The following LMBR1 variants were observed in gnomAD, a reference collection of about 807,000 sequenced individuals.
The protein encoded by LMBR1 is limb region 1 protein homolog.
Under a neutral mutation model 73.9 loss-of-function variants are expected in LMBR1, and 52 were observed. The ratio of observed to expected loss-of-function variants is 0.70; its 90% CI spans 0.56 to 0.89. LMBR1 has a LOEUF of 0.89. Ranked by LOEUF, LMBR1 falls within the 40% of genes least tolerant of loss-of-function variation. The probability of loss-of-function intolerance (pLI) is 0.00; values close to 1 mark genes in which losing one functional copy is unlikely to be tolerated. For synonymous variants in LMBR1, 215 were observed against 209.4 expected (o/e 1.03, Z -0.23); for missense variants, 539 against 579.8 (o/e 0.93, Z 0.72).
rs1029779855 is a variant in LMBR1 at position 156,685,602 on chromosome 7, G to A, written c.1388-1439C>T. Among the ~76,000 whole-genome samples, 1 of 152,220 alleles carries A rather than the reference G, an allele frequency of 6.6e-6. No individual in the cohort carries two copies. Among genetic ancestry groups the A allele is most frequent in the South Asian group, 2.1e-4 (1 of 4,828 alleles). On this transcript the variant is annotated intron_variant, in intron 16 of 16. Transcript: ENST00000353442. The surrounding 1 kb of genome is among the most constrained non-coding windows in gnomAD (Gnocchi z 4.1). ...CATATGAACCTAGAAAAGCTGATGC[G>A]TGGCGCCAGGACATTACAACAGCCG...
At chr7:156,864,362 G>T (rs776410007) in intron 1 of LMBR1, among the ~76,000 whole-genome samples, 3 of 152,112 alleles carry the variant, frequency 2.0e-5, no homozygotes, top group Non-Finnish European at 4.4e-5. Context: ...TATGATAATT[G>T]TAAGTTAGTG....
At chr7:156,786,573 T>C (rs1585782917) in intron 5 of LMBR1, among the ~76,000 whole-genome samples, 1 of 152,302 alleles carries the variant, frequency 6.6e-6, no homozygotes, top group Non-Finnish European at 1.5e-5. Flanking sequence ...GAATAGACTA[T>C]ATTATTCATC....
intron 4 of LMBR1, among the ~76,000 whole-genome samples, chr7:156,825,029 T>A (rs917107090): frequency 6.6e-6 from 1 of 152,174 alleles, no homozygotes; most frequent in Non-Finnish European, 1.5e-5. Context: ...TTTCCCTGGA[T>A]TTGAGATCCT....
At position 156,877,441 on chromosome 7, in the gene LMBR1, C is replaced by T. The variant is rs566198103; in HGVS notation, c.66+15487G>A. On this transcript the variant is annotated intron_variant, in intron 1 of 16. Transcript: ENST00000353442. ...AATACCAAACCAGGAAAGGACATGA[C>T]CAATAAAACAAACTACAGACCAATA... 2.8e-4 allele frequency among the ~76,000 whole-genome samples: 42 copies of T among 152,160 alleles called. No homozygotes were observed. In the South Asian group the frequency reaches 8.5e-3, roughly 31 times the overall value.
intron 11 of LMBR1, 94 bp from the exon 12 acceptor site, chr7:156,728,101 G>A: frequency 1.0e-6 from 1 of 957,070 alleles, no homozygotes; most frequent in Non-Finnish European, 1.6e-6. Flanking sequence ...TCAGAATAGA[G>A]GGAAAGCAGT....
chr7:156,860,056 A>AT (rs1797517853), intron 1 of LMBR1, among the ~76,000 whole-genome samples: 1 of 152,276 alleles, frequency 6.6e-6, no homozygotes, highest in East Asian at 1.9e-4. Flanking sequence ...AAACGGTGCT[A>AT]TAACAACTGG....
chr7:156,737,121 C>T lies in LMBR1; in HGVS notation c.758-2864G>A, dbSNP rs140123073. ...CCTTGCTTCGATGGTGTGTATCCTC[C>T]AGTGGCTTGCTAAGAAAAGGTGAAT... On this transcript the variant is annotated intron_variant, in intron 9 of 16. Transcript: ENST00000353442. Among the ~76,000 whole-genome samples, 193 of 152,252 alleles carry T rather than the reference C, an allele frequency of 1.3e-3. 2 individuals carry two copies. Among genetic ancestry groups the T allele is most frequent in the African/African-American group, 4.6e-3 (190 of 41,548 alleles).
chr7:156,766,429 G>T (rs1294950262), intron 5 of LMBR1, among the ~76,000 whole-genome samples: 1 of 152,180 alleles, frequency 6.6e-6, no homozygotes, highest in Non-Finnish European at 1.5e-5. Context: ...ACTCGGTTAT[G>T]TGCTGTGCAT....
Position 156,728,682 on chromosome 7 carries a change from C to CCAAA in LMBR1, c.873_876dup (p.Val293PhefsTer13), listed in dbSNP as rs766329292. ...AGGAGAACCATAACAGCGGGATACA[C>CCAAA]CAAATTTCTTTCCCATGCTGAAGCC... On this transcript the variant is annotated frameshift_variant, in exon 11 of 17. Coordinates refer to ENST00000353442, the MANE Select transcript of LMBR1 (RefSeq NM_022458.4). LOFTEE classifies it high-confidence loss of function. 2 of 1,603,636 alleles carry CCAAA rather than the reference C, an allele frequency of 1.2e-6. No homozygotes were observed. Among genetic ancestry groups the CCAAA allele is most frequent in the Non-Finnish European group, 8.5e-7 (1 of 1,177,344 alleles).
At chr7:156,709,212 G>T (rs1393556952) in intron 15 of LMBR1, among the ~76,000 whole-genome samples, 1 of 152,170 alleles carries the variant, frequency 6.6e-6, no homozygotes, top group Non-Finnish European at 1.5e-5. Flanking sequence ...ATGGCAGCTG[G>T]AACTCTCTTG....
At chr7:156,781,101 ACACT>A (rs1827054816) in intron 5 of LMBR1, among the ~76,000 whole-genome samples, 1 of 152,220 alleles carries the variant, frequency 6.6e-6, no homozygotes, top group Admixed American at 6.5e-5. Context: ...ATTTCATGAA[ACACT>A]CAGGCACAAA....
At chr7:156,870,084 T>C (rs1281093424) in intron 1 of LMBR1, among the ~76,000 whole-genome samples, 1 of 152,010 alleles carries the variant, frequency 6.6e-6, no homozygotes, top group African/African-American at 2.4e-5. Flanking sequence ...CTGACAGAAC[T>C]AAAGGGAGAA....
intron 9 of LMBR1, among the ~76,000 whole-genome samples, chr7:156,741,107 A>G (rs538191192): frequency 2.0e-5 from 3 of 152,216 alleles, no homozygotes; most frequent in Non-Finnish European, 4.4e-5. Flanking sequence ...GGGTTATAGG[A>G]TAGTATTTGC....
At chr7:156,816,281 C>T (rs1585991775) in intron 4 of LMBR1, among the ~76,000 whole-genome samples, 1 of 152,218 alleles carries the variant, frequency 6.6e-6, no homozygotes, top group Middle Eastern at 3.4e-3. Flanking sequence ...TCTTGGCTCA[C>T]TGCAGCCTCC....
intron 1 of LMBR1, among the ~76,000 whole-genome samples, chr7:156,886,047 GAA>G (rs59110740): frequency 0.072 from 8,355 of 115,786 alleles, 264 homozygotes; most frequent in African/African-American, 0.099. Flanking sequence ...CTCAAAAAAA[GAA>G]AAAAAAAAAA....
intron 9 of LMBR1, among the ~76,000 whole-genome samples, chr7:156,741,271 A>G (rs569390148): frequency 6.6e-6 from 1 of 152,302 alleles, no homozygotes; most frequent in South Asian, 2.1e-4. Flanking sequence ...CCAGAAAAGA[A>G]GTAACAAAAT....
intron 1 of LMBR1, among the ~76,000 whole-genome samples, chr7:156,839,908 C>A (rs1838348422): frequency 6.6e-6 from 1 of 152,090 alleles, no homozygotes; most frequent in Non-Finnish European, 1.5e-5. Context: ...AAGAGGAAAA[C>A]CAGCTCTTGG....
chr7:156,833,088 G>C (rs1436866080), intron 3 of LMBR1, among the ~76,000 whole-genome samples: 1 of 152,190 alleles, frequency 6.6e-6, no homozygotes, highest in Non-Finnish European at 1.5e-5. Flanking sequence ...AGCATCAGAT[G>C]AGCGACTTCT....
chr7:156,777,869 A>G (rs1029122308), intron 5 of LMBR1, among the ~76,000 whole-genome samples: 1 of 152,136 alleles, frequency 6.6e-6, no homozygotes, highest in African/African-American at 2.4e-5. Context: ...GATACTTTGG[A>G]AACACCCTTG....
Sources: allele counts gnomAD v4.1 joint callset (sites outside exome capture counted in the v4.1 genomes callset), GRCh38; gene constraint gnomAD v4.1.1; non-coding constraint Gnocchi (gnomAD v3.1); transcripts MANE v1.5; gene names NCBI Gene and HGNC (gene_info 2026-07-23, HGNC 2026-07-21).